DROSHA: variants seen among roughly 807,000 people sequenced by gnomAD.
DROSHA encodes ribonuclease 3.
In DROSHA, 56 loss-of-function variants were observed where a neutral mutation model predicts 181.9. That is an observed-to-expected ratio of 0.31 (90% CI 0.25 to 0.38). The LOEUF is 0.38. DROSHA is among the 10% of genes least tolerant of loss of function. DROSHA has a pLI of 1.00. For synonymous variants in DROSHA, 524 were observed against 591.2 expected (o/e 0.89, Z 1.65); for missense variants, 1,218 against 1,743.5 (o/e 0.70, Z 5.37).
chr5:31,438,648 G>C (rs1398377781), intron 23 of DROSHA, among the ~76,000 whole-genome samples: 1 of 152,120 alleles, frequency 6.6e-6, no homozygotes, highest in Non-Finnish European at 1.5e-5. Context: ...CAAATGGAGA[G>C]ATCCAGTAGA....
chr5:31,524,833 T>A (rs1466048326), intron 5 of DROSHA, among the ~76,000 whole-genome samples: 1 of 152,214 alleles, frequency 6.6e-6, no homozygotes, highest in African/African-American at 2.4e-5. Flanking sequence ...TAATATAGAA[T>A]GAAACAGTAT....
At chr5:31,424,195 G>C (rs1447538539) in intron 28 of DROSHA, among the ~76,000 whole-genome samples, 1 of 152,228 alleles carries the variant, frequency 6.6e-6, no homozygotes, top group East Asian at 1.9e-4. Flanking sequence ...TCCTCACTGA[G>C]GGAAGATGAC....
intron 11 of DROSHA, among the ~76,000 whole-genome samples, chr5:31,504,049 T>C (rs189151843): frequency 6.6e-6 from 1 of 152,356 alleles, no homozygotes; most frequent in Admixed American, 6.5e-5. Context: ...GATAGTTATA[T>C]ATGACTCTGC....
chr5:31,430,332 A>G (rs1277361643), intron 26 of DROSHA, among the ~76,000 whole-genome samples: 1 of 152,224 alleles, frequency 6.6e-6, no homozygotes, highest in Non-Finnish European at 1.5e-5. Flanking sequence ...AAGCATTTCC[A>G]CATTCTTATC....
chr5:31,497,134 G>C (rs553568096), intron 11 of DROSHA, among the ~76,000 whole-genome samples: 1 of 152,306 alleles, frequency 6.6e-6, no homozygotes, highest in East Asian at 1.9e-4. Context: ...CATGTGACTG[G>C]GGTACGTGGC....
In DROSHA at chr5:31,493,873, A is replaced by G. The variant is rs537809721; in HGVS notation, c.1756-580T>C. Among the ~76,000 whole-genome samples the G allele has an allele frequency of 9.9e-5, 15 of 152,002 alleles. No homozygotes were observed. The South Asian group carries it at 2.9e-3, about 29-fold the overall frequency. On this transcript the variant is annotated intron_variant, in intron 12 of 35. Coordinates refer to ENST00000344624, the MANE Select transcript of DROSHA (RefSeq NM_001382508.1). The stretch of plus-strand genomic sequence containing the variant: ...CCCTGAAAATTGGATTTGTAACTAA[A>G]TAATACATATATCAATCTAAGCATG...
chr5:31,423,650 A>G (rs951252705), intron 28 of DROSHA, among the ~76,000 whole-genome samples: 4 of 152,232 alleles, frequency 2.6e-5, no homozygotes, highest in African/African-American at 9.6e-5. Flanking sequence ...GCACTCATGT[A>G]TTAATAAAAT....
chr5:31,499,386 A>C (rs543956826), intron 11 of DROSHA, among the ~76,000 whole-genome samples: 6 of 152,172 alleles, frequency 3.9e-5, no homozygotes, highest in Non-Finnish European at 8.8e-5. Flanking sequence ...TAAAACAGCA[A>C]ATAAGATGGT....
At chr5:31,434,928 A>G (rs990440286) in intron 25 of DROSHA, among the ~76,000 whole-genome samples, 2 of 152,244 alleles carry the variant, frequency 1.3e-5, no homozygotes, top group Non-Finnish European at 2.9e-5. Flanking sequence ...TCTTTGTGTA[A>G]TTACTATAAA....
chr5:31,464,112 T>C, intron 20 of DROSHA, 124 bp downstream of exon 20: 1 of 788,432 alleles, frequency 1.3e-6, no homozygotes, highest in Non-Finnish European at 2.0e-6. Context: ...TTATAGTTGA[T>C]ATTCCATTTA....
chr5:31,515,381 G>A (rs1739161922), intron 7 of DROSHA, 73 bp downstream of exon 7: 3 of 1,024,408 alleles, frequency 2.9e-6, no homozygotes. Context: ...TACCAGTCTG[G>A]TGGCATCAGA....
intron 16 of DROSHA, among the ~76,000 whole-genome samples, chr5:31,473,742 G>C (rs1750028523): frequency 6.6e-6 from 1 of 152,208 alleles, no homozygotes; most frequent in Admixed American, 6.5e-5. Context: ...AAAGGAGCAA[G>C]GGAGGCTACC....
At chr5:31,445,136 A>C (rs1479347455) in intron 23 of DROSHA, among the ~76,000 whole-genome samples, 1 of 151,608 alleles carries the variant, frequency 6.6e-6, no homozygotes, top group African/African-American at 2.4e-5. Context: ...CCACTTTCCA[A>C]CTCCCCATCT....
rs534741334 is a variant in DROSHA, at chr5:31,405,658, GAAAAA to G, written c.3994+14_3994+18del. ...TCATTACATTATGAACATAATTATA[GAAAAA>G]AAAACAGGCTTACATTTTTCAAGCG... is the stretch of plus-strand genomic sequence containing the variant. On this transcript the variant is annotated intron_variant, in intron 35 of 35. Transcript: ENST00000344624. 64 of 1,447,998 alleles carry G rather than the reference GAAAAA, an allele frequency of 4.4e-5. No individual in the cohort carries two copies. In the East Asian group the frequency reaches 1.4e-3, roughly 32 times the overall value. The allele number at this position is 1,447,998 out of a possible 1,614,324, so 89.7% of individuals were successfully genotyped here. A position where few individuals can be genotyped will look rare whatever the true frequency, so the allele number is the denominator to read the frequency against.
rs553104220 is a variant in DROSHA, at chr5:31,470,919, C to T, written c.2241+1144G>A. On this transcript the variant is annotated intron_variant, in intron 17 of 35. Transcript: ENST00000344624. This position sits in a 1 kb window ranked among gnomAD's most constrained non-coding sequence, Gnocchi z 4.0. ...GTGACAGAGGGAATATCAATATATGCAACTGTTTTAAGAATAAAAATAGAA... is the reference window on the plus strand; with the variant it reads ...GTGACAGAGGGAATATCAATATATGTAACTGTTTTAAGAATAAAAATAGAA... 6.6e-6 allele frequency among the ~76,000 whole-genome samples: 1 copy of T among 152,230 alleles called. No homozygotes were observed. The highest frequency in any genetic ancestry group is 2.1e-4 in the South Asian group (1 of 4,828).
chr5:31,468,131 G>A, intron 17 of DROSHA, 68 bp from the exon 18 acceptor site: 1 of 1,516,926 alleles, frequency 6.6e-7, no homozygotes, highest in Non-Finnish European at 8.9e-7. Flanking sequence ...AACCTAAGTA[G>A]GGAAGGAATA....
At chr5:31,486,771 T>C (rs549192092) in intron 13 of DROSHA, 2 of 472,668 alleles carry the variant, frequency 4.2e-6, no homozygotes, top group South Asian at 3.4e-5. Flanking sequence ...CCAAGAAACC[T>C]GCATAATGTG....
chr5:31,526,542 G>A lies in DROSHA; in HGVS notation c.391C>T (p.Pro131Ser), dbSNP rs1740596748. ...TGTCCAGGAGGTGCCCCAGGGACTG[G>A]GGGGTTATTAGGACAAGGCATTGGT... is the stretch of plus-strand genomic sequence containing the variant. ...PPPMPCPNNP[P>S]VPGAPPGQGT... is the part of the protein sequence containing the mutation. Residue 131 changes from proline to serine, a missense_variant, in exon 5 of 36, where the codon CCA (proline) becomes TCA (serine). Pro to Ser is a moderately conservative substitution (Grantham distance 74). Around this residue, in one of 8 missense-constraint regions of DROSHA, gnomAD observed 536 missense variants for 535.4 expected, o/e 1.00. Transcript: ENST00000344624. 2.6e-6 allele frequency: 4 copies of A among 1,555,382 alleles called. No homozygotes were observed. The highest frequency in any genetic ancestry group is 2.6e-6 in the Non-Finnish European group (3 of 1,151,018).
At position 31,431,572 on chromosome 5, in the gene DROSHA, T is replaced by A; in HGVS notation, c.3145+4A>T. ...GTAGACTTCTTGAAGAAGAGAGAAA[T>A]TACCTATTAACGCTTCAAAACAATT... is the stretch of plus-strand genomic sequence containing the variant. On this transcript the variant is annotated splice_donor_region_variant and intron_variant, in intron 26 of 35. Coordinates refer to ENST00000344624, the MANE Select transcript of DROSHA (RefSeq NM_001382508.1). The A allele has an allele frequency of 6.2e-7, 1 of 1,613,660 alleles. No homozygotes were observed. The highest frequency in any genetic ancestry group is 8.5e-7 in the Non-Finnish European group (1 of 1,179,660).
Sources: allele counts gnomAD v4.1 joint callset (sites outside exome capture counted in the v4.1 genomes callset), GRCh38; gene constraint gnomAD v4.1.1; regional missense constraint gnomAD v4.1.1; non-coding constraint Gnocchi (gnomAD v3.1); transcripts MANE v1.5; gene names NCBI Gene and HGNC (gene_info 2026-07-23, HGNC 2026-07-21).